The following WWOX variants were observed in gnomAD, a reference collection of about 807,000 sequenced individuals.
The protein encoded by WWOX is WW domain-containing oxidoreductase.
WWOX carries 69 observed loss-of-function variants against 46.2 expected under a neutral mutation model. The observed-to-expected ratio is 1.49, with a 90% CI of 1.23 to 1.82. The LOEUF (loss-of-function observed/expected upper bound fraction) is 1.82, where lower values mean the gene tolerates loss of function less well. Ranked by LOEUF, WWOX falls within the 40% of genes most tolerant of loss-of-function variation. The pLI is 0.00. For missense variants in WWOX, 919 were observed against 542.6 expected, an observed-to-expected ratio of 1.69 and a Z score of -6.89; for synonymous variants, 359 against 202.6, an observed-to-expected ratio of 1.77 and a Z score of -6.56.
intron 8 of WWOX, among the ~76,000 whole-genome samples, chr16:78,447,279 G>A (rs867355847): frequency 1.1e-4 from 16 of 152,182 alleles, no homozygotes; most frequent in Middle Eastern, 3.4e-3. Context: ...AGTAACAATG[G>A]CAATATTTTA....
At chr16:78,238,513 G>A (rs1455858126) in intron 5 of WWOX, among the ~76,000 whole-genome samples, 2 of 152,138 alleles carry the variant, frequency 1.3e-5, no homozygotes, top group African/African-American at 4.8e-5. Flanking sequence ...TGTTGGCCAG[G>A]CTGAATAATC....
At chr16:78,478,901 A>C (rs1245383570) in intron 8 of WWOX, among the ~76,000 whole-genome samples, 1 of 151,948 alleles carries the variant, frequency 6.6e-6, no homozygotes, top group Non-Finnish European at 1.5e-5. Context: ...TCATTAACTC[A>C]TTTCCAGTAT....
intron 8 of WWOX, among the ~76,000 whole-genome samples, chr16:78,712,515 G>T (rs990863476): frequency 6.7e-6 from 1 of 150,296 alleles, no homozygotes; most frequent in Admixed American, 6.6e-5. Flanking sequence ...AAAAAAAAAA[G>T]TCTTATATTG....
intron 4 of WWOX, among the ~76,000 whole-genome samples, chr16:78,147,320 G>A (rs574057554): frequency 5.9e-5 from 9 of 152,198 alleles, no homozygotes; most frequent in South Asian, 2.1e-4. Flanking sequence ...ATAAATGTCC[G>A]GTTTGGAGTT....
chr16:78,898,530 G>A (rs2044753480), intron 8 of WWOX: 1 of 152,002 alleles, frequency 6.6e-6, no homozygotes, highest in Non-Finnish European at 1.5e-5. Context: ...TCGATTGCCT[G>A]GAAGCTAGGT....
chr16:78,662,368 C>T (rs541372643), intron 8 of WWOX, among the ~76,000 whole-genome samples: 1 of 152,252 alleles, frequency 6.6e-6, no homozygotes, highest in African/African-American at 2.4e-5. Flanking sequence ...CGCAATGAGA[C>T]ATCTAGTTTT....
chr16:78,649,960 AT>A (rs553568509), intron 8 of WWOX, among the ~76,000 whole-genome samples: 284 of 152,282 alleles, frequency 1.9e-3, no homozygotes, highest in Non-Finnish European at 3.4e-3. Context: ...CATTTCTCTT[AT>A]CTGTAATTCT....
chr16:78,808,196 C>T (rs1554974), intron 8 of WWOX, among the ~76,000 whole-genome samples: 63,523 of 151,982 alleles, frequency 0.42, 14,691 homozygotes, highest in Middle Eastern at 0.58. Flanking sequence ...TCTTTTAACC[C>T]CTCTGAATAT....
At chr16:78,325,366 C>G (rs941876881) in intron 5 of WWOX, among the ~76,000 whole-genome samples, 1 of 152,314 alleles carries the variant, frequency 6.6e-6, no homozygotes, top group Non-Finnish European at 1.5e-5. Context: ...AATATTGAGA[C>G]TATTGCTTTT....
intron 8 of WWOX, among the ~76,000 whole-genome samples, chr16:78,920,508 C>T (rs72806748): frequency 0.074 from 11,311 of 152,202 alleles, 591 homozygotes; most frequent in Non-Finnish European, 0.11. Context: ...CATCCCCAAC[C>T]CAGCCCTCCT....
chr16:78,854,518 C>G (rs570457950), intron 8 of WWOX, among the ~76,000 whole-genome samples: 1 of 152,168 alleles, frequency 6.6e-6, no homozygotes, highest in Non-Finnish European at 1.5e-5. Context: ...AATTGTAACA[C>G]CCCTGGAACA....
At chr16:78,185,742 C>G (rs1182468792) in intron 5 of WWOX, among the ~76,000 whole-genome samples, 1 of 152,174 alleles carries the variant, frequency 6.6e-6, no homozygotes, top group Non-Finnish European at 1.5e-5. Context: ...TCTCAGCTCA[C>G]TGCAGTCTCC....
intron 8 of WWOX, among the ~76,000 whole-genome samples, chr16:78,529,521 C>G (rs1252594525): frequency 6.6e-6 from 1 of 152,174 alleles, no homozygotes; most frequent in South Asian, 2.1e-4. Flanking sequence ...GGCTGGAATG[C>G]AATGGCAAGA....
At chr16:78,448,753 C>G (rs914539972) in intron 8 of WWOX, among the ~76,000 whole-genome samples, 1 of 152,158 alleles carries the variant, frequency 6.6e-6, no homozygotes, top group Non-Finnish European at 1.5e-5. Context: ...CATGTCTTCT[C>G]TTGAAATGGG....
chr16:78,999,811 A>G (rs2047059371), intron 8 of WWOX, among the ~76,000 whole-genome samples: 1 of 152,196 alleles, frequency 6.6e-6, no homozygotes, highest in Non-Finnish European at 1.5e-5. Context: ...CTTCACCACT[A>G]CGCCATATAT....
At chr16:78,742,646 C>G (rs767781530) in intron 8 of WWOX, among the ~76,000 whole-genome samples, 2 of 152,188 alleles carry the variant, frequency 1.3e-5, no homozygotes, top group African/African-American at 4.8e-5. Flanking sequence ...TGGTGACTCA[C>G]TCGGGGCTAA....
intron 8 of WWOX, among the ~76,000 whole-genome samples, chr16:78,888,934 C>T (rs1456755441): frequency 6.7e-6 from 1 of 150,224 alleles, no homozygotes; most frequent in Non-Finnish European, 1.5e-5. Flanking sequence ...CTCCTTTTTC[C>T]CCAAGCCCCA....
At chr16:79,126,506 C>T (rs539808019) in intron 8 of WWOX, among the ~76,000 whole-genome samples, 1 of 152,112 alleles carries the variant, frequency 6.6e-6, no homozygotes, top group African/African-American at 2.4e-5. Context: ...TGTTCATTCT[C>T]CCTCCTGCCG....
At chr16:78,132,499 A>G (rs1250397129) in intron 4 of WWOX, among the ~76,000 whole-genome samples, 6 of 152,122 alleles carry the variant, frequency 3.9e-5, no homozygotes, top group Admixed American at 3.9e-4. Context: ...TCACGCTTCC[A>G]TTGCTTGCCT....
Sources: allele counts gnomAD v4.1 joint callset (sites outside exome capture counted in the v4.1 genomes callset), GRCh38; gene constraint gnomAD v4.1.1; transcripts MANE v1.5; gene names NCBI Gene and HGNC (gene_info 2026-07-23, HGNC 2026-07-21).